SLC30A9: variants seen among roughly 807,000 people sequenced by gnomAD.
The protein encoded by SLC30A9 is solute carrier family 30 member 9.
Under a neutral mutation model 87.5 loss-of-function variants are expected in SLC30A9, and 58 were observed. That is an observed-to-expected ratio of 0.66 (90% CI 0.54 to 0.82). The LOEUF is 0.82. Among genes scored for constraint, SLC30A9 ranks in the 40% least tolerant of loss-of-function variants. SLC30A9 has a pLI of 0.00. For synonymous variants in SLC30A9, 234 were observed against 233.0 expected (o/e 1.00, Z -0.04); for missense variants, 557 against 679.1 (o/e 0.82, Z 2.00).
intron 6 of SLC30A9, among the ~76,000 whole-genome samples, chr4:42,027,362 T>C (rs13109836): frequency 0.65 from 98,299 of 152,124 alleles, 35,991 homozygotes; most frequent in East Asian, 0.96. Flanking sequence ...CGACAGAGAC[T>C]GCGTGTGGTG....
chr4:42,049,373 C>G lies in SLC30A9; in HGVS notation c.738-4C>G, dbSNP rs961539515. 1.3e-6 allele frequency: 2 copies of G among 1,585,336 alleles called. No homozygotes were observed. The highest frequency in any genetic ancestry group is 1.7e-6 in the Non-Finnish European group (2 of 1,160,626). On this transcript the variant is annotated splice_region_variant and splice_polypyrimidine_tract_variant and intron_variant, in intron 8 of 17. Transcript: ENST00000264451. ...TGCTAAATTGTTTTCTCTTTCTCTT[C>G]TAGCAATGGATTAAACTGCTTCTTT... is the stretch of plus-strand genomic sequence containing the variant.
intron 6 of SLC30A9, among the ~76,000 whole-genome samples, chr4:42,030,742 A>T (rs1427911847): frequency 6.6e-6 from 1 of 152,114 alleles, no homozygotes; most frequent in Non-Finnish European, 1.5e-5. Flanking sequence ...CTGCCCTTTA[A>T]ATTTTAAGTG....
chr4:42,084,869 A>G (rs561736346), intron 17 of SLC30A9, among the ~76,000 whole-genome samples: 1 of 152,306 alleles, frequency 6.6e-6, no homozygotes, highest in African/African-American at 2.4e-5. Flanking sequence ...TAATTTACCT[A>G]TATCACCTCA....
At chr4:42,067,217 GATTT>G in intron 14 of SLC30A9, 25 bp downstream of exon 14, 1 of 1,324,890 alleles carries the variant, frequency 7.5e-7, no homozygotes, top group South Asian at 1.2e-5. Context: ...AATTACAGGT[GATTT>G]ATTTGTCCTA....
chr4:42,038,089 A>G (rs1716768681), intron 7 of SLC30A9, among the ~76,000 whole-genome samples: 1 of 152,126 alleles, frequency 6.6e-6, no homozygotes, highest in Admixed American at 6.6e-5. Flanking sequence ...GGAATTTTTG[A>G]GTAGCTTTTA....
chr4:42,049,990 C>T (rs1042370702), intron 9 of SLC30A9, among the ~76,000 whole-genome samples: 1 of 152,052 alleles, frequency 6.6e-6, no homozygotes, highest in Non-Finnish European at 1.5e-5. Context: ...TGTGTGCATC[C>T]TATTACATTT....
At chr4:42,043,195 C>G (rs549558528) in intron 8 of SLC30A9, among the ~76,000 whole-genome samples, 1 of 152,222 alleles carries the variant, frequency 6.6e-6, no homozygotes, top group South Asian at 2.1e-4. Context: ...CAACTCCTCG[C>G]CAGCAAGGGA....
At chr4:42,021,610 T>G (rs1715950683) in intron 4 of SLC30A9, among the ~76,000 whole-genome samples, 1 of 152,196 alleles carries the variant, frequency 6.6e-6, no homozygotes, top group African/African-American at 2.4e-5. Flanking sequence ...ACACAAACTC[T>G]TTATGACATC....
chr4:42,055,456 G>A (rs138261930), intron 9 of SLC30A9, among the ~76,000 whole-genome samples: 3,008 of 152,022 alleles, frequency 0.02, 104 homozygotes, highest in African/African-American at 0.069. Context: ...GCACAATCTC[G>A]GCTTACTGCA....
chr4:42,023,310 A>T lies in SLC30A9; in HGVS notation c.536A>T (p.Glu179Val). 6.2e-7 allele frequency: 1 copy of T among 1,612,654 alleles called. No homozygotes were observed. The highest frequency in any genetic ancestry group is 8.5e-7 in the Non-Finnish European group (1 of 1,178,654). Residue 179 changes from glutamate (E) to valine (V), a missense_variant, in exon 6 of 18, where the codon GAA (glutamate) becomes GTA (valine). Glu to Val is a moderately radical substitution (Grantham distance 121, BLOSUM62 -2). This residue lies in a region of SLC30A9 where 467 missense variants were observed against 529.8 expected (regional missense o/e 0.88). Transcript: ENST00000264451. Reference protein sequence around the residue: ...LRSDVEAKSLEVWGSPEALAR... With the variant: ...LRSDVEAKSLVVWGSPEALAR... ...CATGTGTGTATGCACAGATCTTTGG[A>T]AGTTTGGGGAAGCCCTGAAGCTCTT... is the stretch of plus-strand genomic sequence containing the variant.
intron 8 of SLC30A9, among the ~76,000 whole-genome samples, chr4:42,048,289 G>T (rs1717251452): frequency 6.6e-6 from 1 of 152,102 alleles, no homozygotes; most frequent in African/African-American, 2.4e-5. Context: ...CTCCCAGGAG[G>T]TTAAGAGAAA....
At chr4:42,022,785 A>G in intron 4 of SLC30A9, 53 bp from the exon 5 acceptor site, 1 of 1,017,818 alleles carries the variant, frequency 9.8e-7, no homozygotes, top group African/African-American at 1.6e-5. Context: ...CTCTTTAAGT[A>G]TATAAACTAT....
At chr4:42,067,521 G>T (rs1718129715) in intron 14 of SLC30A9, among the ~76,000 whole-genome samples, 1 of 152,050 alleles carries the variant, frequency 6.6e-6, no homozygotes. Flanking sequence ...TATTTACCTT[G>T]GTAACCTCTT....
chr4:42,013,035 C>G (rs1174601906), intron 2 of SLC30A9, among the ~76,000 whole-genome samples: 1 of 152,168 alleles, frequency 6.6e-6, no homozygotes, highest in East Asian at 1.9e-4. Context: ...ACTCTGAGCA[C>G]TTTGAGAAGC....
rs1018393496 is a variant in SLC30A9, at chr4:42,088,003, T to A, written c.*1877T>A. 5.5e-5 allele frequency: 8 copies of A among 146,018 alleles called. No homozygotes were observed. The highest frequency in any genetic ancestry group is 2.0e-4 in the African/African-American group (8 of 40,696). The allele number at this position is 146,018 out of a possible 1,614,324, so 9.0% of individuals were successfully genotyped here. On this transcript the variant is annotated 3_prime_UTR_variant, in exon 18 of 18. Coordinates refer to ENST00000264451, the MANE Select transcript of SLC30A9 (RefSeq NM_006345.4). The stretch of plus-strand genomic sequence containing the variant: ...ATTCCAAATGGTAATTTTTTTTTTT[T>A]AGGATTCCCTAATAAAAAAAAAAAA...
intron 17 of SLC30A9, among the ~76,000 whole-genome samples, chr4:42,080,343 G>A (rs1718705882): frequency 6.6e-5 from 10 of 152,138 alleles, no homozygotes; most frequent in Admixed American, 6.5e-4. Context: ...ACCCATCATG[G>A]TTTGGTTTAT....
intron 8 of SLC30A9, among the ~76,000 whole-genome samples, chr4:42,041,179 C>T (rs536624749): frequency 1.6e-4 from 25 of 152,290 alleles, no homozygotes; most frequent in East Asian, 7.7e-4. Context: ...TCTCCCACTG[C>T]GTCCCTCCCA....
chr4:42,072,968 CA>C (rs1718375044), intron 15 of SLC30A9, among the ~76,000 whole-genome samples: 1 of 152,130 alleles, frequency 6.6e-6, no homozygotes, highest in Non-Finnish European at 1.5e-5. Context: ...TGCTCACCAC[CA>C]TGACCAGCTA....
At chr4:42,032,372 T>C (rs925845211) in intron 6 of SLC30A9, among the ~76,000 whole-genome samples, 2 of 152,206 alleles carry the variant, frequency 1.3e-5, no homozygotes, top group Admixed American at 6.5e-5. Context: ...TTTATTTTTG[T>C]TATTAGTAAC....
Sources: gnomAD v4.1 joint callset for allele counts (sites outside exome capture counted in the v4.1 genomes callset) on GRCh38, gnomAD v4.1.1 for gene constraint, gnomAD v4.1.1 regional missense constraint, MANE v1.5 for transcripts, NCBI Gene and HGNC (gene_info 2026-07-23, HGNC 2026-07-21) for gene names.